ADAMTSL1: variants seen among roughly 807,000 people sequenced by gnomAD.
ADAMTSL1 encodes the protein ADAMTS-like protein 1.
In ADAMTSL1, 126 loss-of-function variants were observed where a neutral mutation model predicts 201.8. The observed-to-expected ratio is 0.62, with a 90% CI of 0.54 to 0.72. The LOEUF is 0.72. Among genes scored for constraint, ADAMTSL1 ranks in the 30% least tolerant of loss-of-function variants. The probability of loss-of-function intolerance (pLI) is 0.00; values close to 1 mark genes in which losing one functional copy is unlikely to be tolerated. For missense variants in ADAMTSL1, 2,679 were observed against 2,277.8 expected (o/e 1.18, Z -3.59); for synonymous variants, 1,121 against 903.4 (o/e 1.24, Z -4.32).
chr9:18,442,590 A>T (rs1820038901), intron 2 of ADAMTSL1, among the ~76,000 whole-genome samples: 1 of 152,222 alleles, frequency 6.6e-6, no homozygotes, highest in Non-Finnish European at 1.5e-5. Context: ...TTTCTTTAAT[A>T]TTTATTGAGT....
At chr9:18,840,439 C>T (rs1432162263) in intron 23 of ADAMTSL1, among the ~76,000 whole-genome samples, 2 of 152,152 alleles carry the variant, frequency 1.3e-5, no homozygotes, top group Non-Finnish European at 2.9e-5. Context: ...GTTACTGTAG[C>T]CTTCTGGTAT....
chr9:18,406,611 G>A lies in ADAMTSL1; in HGVS notation c.208-98218G>A, dbSNP rs933546241. Among the ~76,000 whole-genome samples the A allele has an allele frequency of 5.3e-5, 8 of 152,240 alleles. No homozygotes were observed. The East Asian group carries it at 5.8e-4, about 11-fold the overall frequency. ...CTCTCAAAATTCTAGGATTACAGGCGTGAGCCACCATGCCCAGCCAAGACA... is the reference window on the plus strand; with the variant it reads ...CTCTCAAAATTCTAGGATTACAGGCATGAGCCACCATGCCCAGCCAAGACA... On this transcript the variant is annotated intron_variant, in intron 2 of 29. Coordinates refer to the ADAMTSL1 transcript ENST00000680146.
chr9:18,315,676 T>C (rs578103078), intron 2 of ADAMTSL1, among the ~76,000 whole-genome samples: 1 of 152,100 alleles, frequency 6.6e-6, no homozygotes, highest in South Asian at 2.1e-4. Flanking sequence ...GCCCACGAGC[T>C]CTGTTTGCAG....
At chr9:18,476,671 C>T (rs1563983346) in intron 1 of ADAMTSL1, among the ~76,000 whole-genome samples, 3 of 151,726 alleles carry the variant, frequency 2.0e-5, no homozygotes, top group African/African-American at 7.3e-5. Flanking sequence ...TTCCTATAGT[C>T]TTTTTTTTGT....
intron 1 of ADAMTSL1, among the ~76,000 whole-genome samples, chr9:17,956,314 A>G (rs1284825629): frequency 6.6e-6 from 1 of 152,086 alleles, no homozygotes; most frequent in Non-Finnish European, 1.5e-5. Context: ...CTGAATTTTG[A>G]TCTTTTCTGT....
At chr9:18,807,867 T>C (rs1823264146) in intron 20 of ADAMTSL1, among the ~76,000 whole-genome samples, 1 of 152,196 alleles carries the variant, frequency 6.6e-6, no homozygotes, top group Non-Finnish European at 1.5e-5. Context: ...TGTTTTTTTC[T>C]CCTTAGTTAA....
At chr9:18,276,690 G>A (rs1832601210) in intron 2 of ADAMTSL1, among the ~76,000 whole-genome samples, 1 of 152,120 alleles carries the variant, frequency 6.6e-6, no homozygotes, top group Non-Finnish European at 1.5e-5. Context: ...GGGAGGAGGT[G>A]GTGTATATCA....
intron 1 of ADAMTSL1, among the ~76,000 whole-genome samples, chr9:18,000,175 G>A (rs959673173): frequency 2.0e-4 from 30 of 150,592 alleles, no homozygotes; most frequent in Admixed American, 2.7e-4. Flanking sequence ...CTGAGGAATC[G>A]CCACACTGAC....
At chr9:18,476,357 C>T (rs890333549) in intron 1 of ADAMTSL1, among the ~76,000 whole-genome samples, 1 of 152,184 alleles carries the variant, frequency 6.6e-6, no homozygotes, top group East Asian at 1.9e-4. Flanking sequence ...GAGAATAGAA[C>T]ATGTTTGCTT....
intron 2 of ADAMTSL1, among the ~76,000 whole-genome samples, chr9:18,361,078 CA>C (rs1563912318): frequency 6.6e-6 from 1 of 152,032 alleles, no homozygotes; most frequent in African/African-American, 2.4e-5. Flanking sequence ...TTATAAAATA[CA>C]AGATGGTATT....
At chr9:18,513,775 T>A (rs1186339964) in intron 2 of ADAMTSL1, among the ~76,000 whole-genome samples, 1 of 152,234 alleles carries the variant, frequency 6.6e-6, no homozygotes, top group African/African-American at 2.4e-5. Context: ...AAAGATCAGT[T>A]GACTGTGTAT....
chr9:18,508,175 C>T (rs958569817), intron 2 of ADAMTSL1, among the ~76,000 whole-genome samples: 4 of 150,098 alleles, frequency 2.7e-5, no homozygotes, highest in African/African-American at 9.8e-5. Context: ...ACGAGCGAAA[C>T]TCCGTCTCAA....
At chr9:17,943,628 C>G (rs1440411828) in intron 1 of ADAMTSL1, among the ~76,000 whole-genome samples, 1 of 152,036 alleles carries the variant, frequency 6.6e-6, no homozygotes, top group African/African-American at 2.4e-5. Context: ...TATGAAAATG[C>G]TATGAAAGCT....
intron 21 of ADAMTSL1, among the ~76,000 whole-genome samples, chr9:18,824,584 CAAAGGCAA>C (rs1011424508): frequency 3.9e-5 from 6 of 151,910 alleles, no homozygotes; most frequent in Admixed American, 2.6e-4. Context: ...GCCCTTGCCC[CAAAGGCAA>C]AAACCAGCCC....
chr9:18,315,547 C>A (rs994093089), intron 2 of ADAMTSL1, among the ~76,000 whole-genome samples: 5 of 152,158 alleles, frequency 3.3e-5, no homozygotes, highest in African/African-American at 4.8e-5. Flanking sequence ...GCCGGCAGTG[C>A]TGGGGGACCT....
chr9:18,737,084 C>T (rs1034665681), intron 15 of ADAMTSL1, among the ~76,000 whole-genome samples: 1 of 152,006 alleles, frequency 6.6e-6, no homozygotes, highest in African/African-American at 2.4e-5. Flanking sequence ...TTTGGAAGGC[C>T]GAGGCAGGTG....
intron 1 of ADAMTSL1, among the ~76,000 whole-genome samples, chr9:17,924,511 G>C (rs1826441742): frequency 6.7e-6 from 1 of 149,610 alleles, no homozygotes; most frequent in South Asian, 2.2e-4. Flanking sequence ...CAGAGATATA[G>C]ATCAATGGAA....
At chr9:17,972,315 C>A (rs1276734875) in intron 1 of ADAMTSL1, among the ~76,000 whole-genome samples, 1 of 86,476 alleles carries the variant, frequency 1.2e-5, no homozygotes, top group Non-Finnish European at 2.4e-5. Context: ...CCTCCCCCCT[C>A]CCCCCAAGCT....
chr9:18,349,730 C>T lies in ADAMTSL1; in HGVS notation c.208-155099C>T, dbSNP rs147868595. ...GAATCTATTCAAGGCAAAATGCAGTCATTCCTGGGTCAGCCTGCCTGAGGC... is the reference window on the plus strand; with the variant it reads ...GAATCTATTCAAGGCAAAATGCAGTTATTCCTGGGTCAGCCTGCCTGAGGC... On this transcript the variant is annotated intron_variant, in intron 2 of 29. Transcript: ENST00000680146. Among the ~76,000 whole-genome samples the T allele has an allele frequency of 7.0e-4, 106 of 152,172 alleles. 1 individual carries two copies. The highest frequency in any genetic ancestry group is 2.5e-3 in the African/African-American group (102 of 41,534).
Sources: gnomAD v4.1 joint callset for allele counts (sites outside exome capture counted in the v4.1 genomes callset) on GRCh38, gnomAD v4.1.1 for gene constraint, MANE v1.5 for transcripts, NCBI Gene and HGNC (gene_info 2026-07-23, HGNC 2026-07-21) for gene names.